Variants in TMEM51 observed in about 807,000 individuals in gnomAD.
TMEM51 encodes transmembrane protein 51.
A neutral mutation model predicts 13.6 loss-of-function variants in TMEM51; 8 were observed. That is an observed-to-expected ratio of 0.59 (90% CI 0.35 to 1.07). The LOEUF (loss-of-function observed/expected upper bound fraction) is 1.07, where lower values mean the gene tolerates loss of function less well. Among genes scored for constraint, TMEM51 ranks in the 50% least tolerant of loss-of-function variants. The pLI is 0.02. For synonymous variants in TMEM51, 147 were observed against 144.4 expected, an observed-to-expected ratio of 1.02 and a Z score of -0.13; for missense variants, 279 against 330.7, an observed-to-expected ratio of 0.84 and a Z score of 1.21.
rs1644404663 is a variant in TMEM51, at chr1:15,215,077, C to G, written c.-11C>G. 6.3e-7 allele frequency: 1 copy of G among 1,595,950 alleles called. No individual in the cohort carries two copies. ...TTTCTTGGAACTGGGCCTCGCCCTC[C>G]TCCCACTGACATGATGGCCCAGTCC... On this transcript the variant is annotated 5_prime_UTR_variant, in exon 3 of 4. Transcript: ENST00000376008.
At chr1:15,208,207 AG>A (rs1338730700) in intron 1 of TMEM51, among the ~76,000 whole-genome samples, 1 of 152,218 alleles carries the variant, frequency 6.6e-6, no homozygotes, top group Non-Finnish European at 1.5e-5. Context: ...AGGAAAGGCA[AG>A]GAACTCAGCA....
In TMEM51 at chr1:15,201,924, G is replaced by A. The variant is rs1644163570; in HGVS notation, c.-266-8566G>A. ...TCTGCAGGACTCGTGGGCCTGCAGA[G>A]GGCTGGCTGTCTGCTTCACGTACCT... On this transcript the variant is annotated intron_variant, in intron 1 of 3. Transcript: ENST00000376008. 2.0e-5 allele frequency among the ~76,000 whole-genome samples: 3 copies of A among 152,202 alleles called. No individual in the cohort carries two copies. The South Asian group carries it at 6.2e-4, about 31-fold the overall frequency.
intron 1 of TMEM51, among the ~76,000 whole-genome samples, chr1:15,179,420 G>T (rs777720675): frequency 1.3e-5 from 2 of 152,116 alleles, no homozygotes; most frequent in Non-Finnish European, 2.9e-5. Context: ...GAAAGGAAAC[G>T]GGATACAGGC....
In TMEM51 at chr1:15,219,359, C is replaced by T; in HGVS notation, c.378C>T (p.Ala126=). Reference sequence around the variant, plus strand: ...AAGAAGAGGAGGATGAGGAGGCTGCCTCAAGGTACTATGTTCCCAGCTACG... The same window carrying T: ...AAGAAGAGGAGGATGAGGAGGCTGCTTCAAGGTACTATGTTCCCAGCTACG... The part of the protein sequence containing the change: ...QEEEEEDEEA[A]SRYYVPSYEE... The change falls in exon 4 of 4, where the codon GCC becomes GCT. Residue 126 remains alanine, a synonymous_variant. Coordinates refer to ENST00000376008, the MANE Select transcript of TMEM51 (RefSeq NM_001136218.2). 2 of 1,598,314 alleles carry T rather than the reference C, an allele frequency of 1.3e-6. No individual in the cohort carries two copies. The highest frequency in any genetic ancestry group is 1.1e-5 in the South Asian group (1 of 89,624).
intron 1 of TMEM51, among the ~76,000 whole-genome samples, chr1:15,175,877 C>T (rs1643442855): frequency 6.6e-6 from 1 of 152,198 alleles, no homozygotes; most frequent in Admixed American, 6.5e-5. Flanking sequence ...GGTGGGCGCA[C>T]AGCCAAACCA....
chr1:15,215,147 G>A lies in TMEM51; in HGVS notation c.60G>A (p.Gly20=), dbSNP rs1392114971. ...SHYALTAIGL[G]MLVLGVIMAM... is the part of the protein sequence containing the mutation. Reference sequence around the variant, plus strand: ...ATGCGCTGACCGCCATCGGCCTGGGGATGCTGGTCCTTGGGGTGATCATGG... The same window carrying A: ...ATGCGCTGACCGCCATCGGCCTGGGAATGCTGGTCCTTGGGGTGATCATGG... The change falls in exon 3 of 4, where the codon GGG becomes GGA. Residue 20 remains glycine, a synonymous_variant. Transcript: ENST00000376008. 7 of 1,614,198 alleles carry A rather than the reference G, an allele frequency of 4.3e-6. No individual in the cohort carries two copies.
rs371855436 is a variant in TMEM51 at position 15,154,892 on chromosome 1, G to T, written c.-267+938G>T. On this transcript the variant is annotated intron_variant, in intron 1 of 3. Transcript: ENST00000376008. ...AACCCGGGCGCTGCCGGAGTGGGGT[G>T]GGCGGGGACGAGGTGGGCGGGGCAG... Among the ~76,000 whole-genome samples the T allele has an allele frequency of 2.6e-5, 4 of 152,152 alleles. No individual in the cohort carries two copies. In the East Asian group the frequency reaches 5.8e-4, roughly 22 times the overall value.
At chr1:15,199,571 A>T (rs911014995) in intron 1 of TMEM51, among the ~76,000 whole-genome samples, 4 of 152,192 alleles carry the variant, frequency 2.6e-5, no homozygotes, top group African/African-American at 9.6e-5. Flanking sequence ...GGAAACTGAG[A>T]TTCTGAGAGG....
intron 1 of TMEM51, among the ~76,000 whole-genome samples, chr1:15,184,593 G>A (rs1405941124): frequency 1.3e-5 from 2 of 152,134 alleles, no homozygotes; most frequent in Non-Finnish European, 2.9e-5. Flanking sequence ...GACCAGGTTG[G>A]AAACTGATAT....
chr1:15,167,276 G>A (rs921914454), intron 1 of TMEM51, among the ~76,000 whole-genome samples: 11 of 138,786 alleles, frequency 7.9e-5, no homozygotes, highest in Admixed American at 6.3e-4. Context: ...GCAGTGAGCC[G>A]AGATGACGCC....
chr1:15,193,192 G>C (rs540860942), intron 1 of TMEM51, among the ~76,000 whole-genome samples: 1 of 152,216 alleles, frequency 6.6e-6, no homozygotes, highest in Non-Finnish European at 1.5e-5. Context: ...TTCTGAATTA[G>C]AGCCATTCCA....
chr1:15,203,217 A>G (rs1028540817), intron 1 of TMEM51, among the ~76,000 whole-genome samples: 5 of 151,834 alleles, frequency 3.3e-5, no homozygotes, highest in Non-Finnish European at 5.9e-5. Context: ...CTCTGCTCAG[A>G]TATCATTTTC....
chr1:15,184,317 G>A (rs2006022), intron 1 of TMEM51, among the ~76,000 whole-genome samples: 84,340 of 151,734 alleles, frequency 0.56, 24,673 homozygotes, highest in East Asian at 0.9. Context: ...GAACCACCAC[G>A]CCTGGCCTTG....
At position 15,215,125 on chromosome 1, in the gene TMEM51, C is replaced by T. The variant is rs143120735; in HGVS notation, c.38C>T (p.Ala13Val). 3.1e-4 allele frequency: 497 copies of T among 1,613,822 alleles called. No homozygotes were observed. Among genetic ancestry groups the T allele is most frequent in the Non-Finnish European group, 3.8e-4 (453 of 1,180,046 alleles). ...TCCAAGGCCAATGGCTCGCACTATG[C>T]GCTGACCGCCATCGGCCTGGGGATG... Reference protein sequence around the residue: ...AQSKANGSHYALTAIGLGMLV... With the variant: ...AQSKANGSHYVLTAIGLGMLV... The change falls in exon 3 of 4, where the codon GCG becomes GTG. Residue 13 changes from alanine (A) to valine (V), a missense_variant. Coordinates refer to ENST00000376008, the MANE Select transcript of TMEM51 (RefSeq NM_001136218.2).
intron 2 of TMEM51, among the ~76,000 whole-genome samples, chr1:15,212,375 C>G (rs1644354223): frequency 6.6e-6 from 1 of 152,190 alleles, no homozygotes; most frequent in South Asian, 2.1e-4. Context: ...TGGAGCCTGT[C>G]TTTCTCTCGT....
intron 1 of TMEM51, among the ~76,000 whole-genome samples, chr1:15,208,796 G>A (rs1177246101): frequency 6.6e-6 from 1 of 152,076 alleles, no homozygotes; most frequent in East Asian, 1.9e-4. Flanking sequence ...GATATGAGCT[G>A]TGACAGCAAG....
chr1:15,219,105 A>C (rs1644472556), intron 3 of TMEM51, among the ~76,000 whole-genome samples: 1 of 152,216 alleles, frequency 6.6e-6, no homozygotes, highest in Non-Finnish European at 1.5e-5. Flanking sequence ...TACTTAACTC[A>C]TAGTGTTGTC....
intron 1 of TMEM51, among the ~76,000 whole-genome samples, chr1:15,172,985 G>A (rs909037864): frequency 1.3e-5 from 2 of 152,168 alleles, no homozygotes; most frequent in African/African-American, 2.4e-5. Flanking sequence ...GTCTTGGAAC[G>A]TATCCCCCGA....
intron 1 of TMEM51, among the ~76,000 whole-genome samples, chr1:15,163,830 G>T (rs556328722): frequency 5.5e-5 from 8 of 144,988 alleles, no homozygotes; most frequent in African/African-American, 1.8e-4. Flanking sequence ...CTTTTTTTGG[G>T]GGGGGGGAGG....
Sources: allele counts gnomAD v4.1 joint callset (sites outside exome capture counted in the v4.1 genomes callset), GRCh38; gene constraint gnomAD v4.1.1; transcripts MANE v1.5; gene names NCBI Gene and HGNC (gene_info 2026-07-23, HGNC 2026-07-21).